The following SAMD5 variants were observed in gnomAD, a reference collection of about 807,000 sequenced individuals.
The protein encoded by SAMD5 is sterile alpha motif domain containing 5.
SAMD5 carries 13 observed loss-of-function variants against 11.3 expected under a neutral mutation model. The observed-to-expected ratio is 1.15, with a 90% CI of 0.75 to 1.83. The LOEUF (loss-of-function observed/expected upper bound fraction) is 1.83. SAMD5 is among the 40% of genes most tolerant of loss of function. The pLI is 0.00. For missense variants in SAMD5, 255 were observed against 239.1 expected (o/e 1.07, Z -0.44); for synonymous variants, 129 against 111.3 (o/e 1.16, Z -1.00).
intron 1 of SAMD5, among the ~76,000 whole-genome samples, chr6:147,607,267 T>G (rs1228563754): frequency 6.6e-6 from 1 of 152,102 alleles, no homozygotes; most frequent in Non-Finnish European, 1.5e-5. Context: ...CCCAATACAA[T>G]CTACAGATTC....
At chr6:147,515,439 T>A (rs112084164) in intron 1 of SAMD5, among the ~76,000 whole-genome samples, 2 of 137,352 alleles carry the variant, frequency 1.5e-5, no homozygotes, top group Admixed American at 6.9e-5. Context: ...CAACCATCCA[T>A]CCATCCATCC....
chr6:147,839,483 T>C, the SAMD5 span, among the ~76,000 whole-genome samples: 1 of 152,196 alleles, frequency 6.6e-6, no homozygotes, highest in Non-Finnish European at 1.5e-5. Context: ...GCGCAATGGC[T>C]CATGCCTGTA....
chr6:147,920,659 A>C, the SAMD5 span, among the ~76,000 whole-genome samples: 1 of 152,218 alleles, frequency 6.6e-6, no homozygotes, highest in Non-Finnish European at 1.5e-5. Flanking sequence ...TTTTTAAAAA[A>C]TAATCATCTG....
chr6:147,852,961 G>C, the SAMD5 span, among the ~76,000 whole-genome samples: 28 of 152,168 alleles, frequency 1.8e-4, no homozygotes, highest in Middle Eastern at 3.4e-3. Context: ...TAAAACATTC[G>C]ATTTGTCATC....
intron 1 of SAMD5, among the ~76,000 whole-genome samples, chr6:147,665,550 A>C (rs1790705478): frequency 6.6e-6 from 1 of 152,210 alleles, no homozygotes. Context: ...TACTGTGCAC[A>C]TTTCACTAAT....
chr6:147,953,916 G>GA, the SAMD5 span: 39 of 152,150 alleles, frequency 2.6e-4, no homozygotes, highest in South Asian at 8.1e-3. Context: ...TCATTTGCTA[G>GA]AAAAAATTAA....
At chr6:147,515,431 A>ACCATCCATCCATCCATCCAT (rs58973849) in intron 1 of SAMD5, among the ~76,000 whole-genome samples, 1 of 148,644 alleles carries the variant, frequency 6.7e-6, no homozygotes, top group South Asian at 2.2e-4. Context: ...CTTCCATCCA[A>ACCATCCATCCATCCATCCAT]CCATCCATCC....
chr6:147,790,800 C>T, the SAMD5 span, among the ~76,000 whole-genome samples: 14 of 119,156 alleles, frequency 1.2e-4, no homozygotes, highest in African/African-American at 4.8e-4. Context: ...CTCTCTCTCT[C>T]TCTCTCTCTC....
rs983124492 is a variant in SAMD5, at chr6:147,566,883, A to G, written c.*2427A>G. On this transcript the variant is annotated 3_prime_UTR_variant, in exon 2 of 2. Coordinates refer to ENST00000367474, the MANE Select transcript of SAMD5 (RefSeq NM_001030060.3). ...TTTTTACCATGAATTGTATCTGGGG[A>G]CAGTTAGTCTTAGAAGGAGTAATTT... 5 of 968,944 alleles carry G rather than the reference A, an allele frequency of 5.2e-6. No homozygotes were observed. The highest frequency in any genetic ancestry group is 4.9e-6 in the Non-Finnish European group (4 of 815,212). 60.0% of individuals were successfully genotyped at this position (968,944 alleles called of 1,614,324 possible). A position where few individuals can be genotyped will look rare whatever the true frequency, so the allele number is the denominator to read the frequency against.
chr6:147,689,756 CAG>C (rs965553932), intron 1 of SAMD5, among the ~76,000 whole-genome samples: 12 of 152,118 alleles, frequency 7.9e-5, no homozygotes, highest in Non-Finnish European at 1.5e-5. Flanking sequence ...TTCTAGGAAA[CAG>C]ATATGGTGAA....
At chr6:147,767,402 C>T in the SAMD5 span, among the ~76,000 whole-genome samples, 2 of 151,778 alleles carry the variant, frequency 1.3e-5, 1 homozygote, top group African/African-American at 4.9e-5. Context: ...CCTTTTTACC[C>T]CCAGAATCTA....
intron 1 of SAMD5, among the ~76,000 whole-genome samples, chr6:147,527,435 A>G (rs909639933): frequency 6.6e-6 from 1 of 152,096 alleles, no homozygotes; most frequent in Admixed American, 6.5e-5. Context: ...ATACATTTCC[A>G]AGGGGGCATG....
At chr6:147,607,178 G>C (rs569641732) in intron 1 of SAMD5, among the ~76,000 whole-genome samples, 1 of 152,102 alleles carries the variant, frequency 6.6e-6, no homozygotes, top group East Asian at 1.9e-4. Context: ...TAAATAGAAA[G>C]TGGAGCACAC....
intron 1 of SAMD5, among the ~76,000 whole-genome samples, chr6:147,676,979 G>A (rs1042354237): frequency 1.3e-5 from 2 of 152,038 alleles, no homozygotes; most frequent in Admixed American, 6.6e-5. Flanking sequence ...GCATATAAAT[G>A]GACTGGCTTT....
chr6:147,587,404 T>G (rs879260563), intron 1 of SAMD5, among the ~76,000 whole-genome samples: 1 of 151,982 alleles, frequency 6.6e-6, no homozygotes, highest in Non-Finnish European at 1.5e-5. Context: ...TGCCGGCTAA[T>G]TTTTGTATTT....
chr6:147,521,557 T>C (rs1788255569), intron 1 of SAMD5, among the ~76,000 whole-genome samples: 1 of 152,118 alleles, frequency 6.6e-6, no homozygotes, highest in African/African-American at 2.4e-5. Flanking sequence ...TACTGTTTAC[T>C]TGAATAAGTT....
the SAMD5 span, among the ~76,000 whole-genome samples, chr6:147,931,325 A>G: frequency 4.6e-5 from 7 of 152,220 alleles, no homozygotes; most frequent in African/African-American, 1.7e-4. Flanking sequence ...TTTCTCAAAT[A>G]AAATAATATC....
the SAMD5 span, among the ~76,000 whole-genome samples, chr6:147,873,448 A>G: frequency 6.6e-6 from 1 of 152,034 alleles, no homozygotes; most frequent in African/African-American, 2.4e-5. Context: ...TTGTTAGTTG[A>G]TTTTTCAATA....
chr6:147,673,504 C>T (rs1790824024), intron 1 of SAMD5, among the ~76,000 whole-genome samples: 1 of 152,114 alleles, frequency 6.6e-6, no homozygotes, highest in Non-Finnish European at 1.5e-5. Flanking sequence ...TGAGCCACCG[C>T]ACCCCGCCAA....
Sources: gnomAD v4.1 joint callset for allele counts (sites outside exome capture counted in the v4.1 genomes callset) on GRCh38, gnomAD v4.1.1 for gene constraint, MANE v1.5 for transcripts, NCBI Gene and HGNC (gene_info 2026-07-23, HGNC 2026-07-21) for gene names.